Variants in RBL1 observed in about 807,000 individuals in gnomAD.
RBL1 encodes RB transcriptional corepressor like 1, also known as retinoblastoma-like protein 1.
RBL1 carries 82 observed loss-of-function variants against 123.0 expected under a neutral mutation model. The observed-to-expected ratio is 0.67, with a 90% CI of 0.56 to 0.80. The LOEUF (loss-of-function observed/expected upper bound fraction) is 0.80, where lower values mean the gene tolerates loss of function less well. Ranked by LOEUF, RBL1 falls within the 30% of genes least tolerant of loss-of-function variation. RBL1 has a pLI of 0.00. For missense variants in RBL1, 1,171 were observed against 1,299.6 expected (o/e 0.90, Z 1.52); for synonymous variants, 405 against 441.3 (o/e 0.92, Z 1.03).
chr20:37,067,188 A>C, intron 4 of RBL1, 45 bp downstream of exon 4: 1 of 1,576,434 alleles, frequency 6.3e-7, no homozygotes, highest in East Asian at 2.2e-5. Context: ...AATAGCACCA[A>C]GTTCCCAGAG....
chr20:37,061,168 G>A lies in RBL1; in HGVS notation c.1185C>T (p.Ser395=). The change falls in exon 9 of 22, where the codon AGC becomes AGT. Residue 395 remains serine (S), a synonymous_variant. Transcript: ENST00000373664. ...GACCAGCCACAATACTCTGTAACCG[G>A]CTCACACTTTGGGTGGCTGATGCAA... ...TPVASATQSV[S]RLQSIVAGLK... 7 of 1,613,784 alleles carry A rather than the reference G, an allele frequency of 4.3e-6. No individual in the cohort carries two copies. Among genetic ancestry groups the A allele is most frequent in the Non-Finnish European group, 5.9e-6 (7 of 1,179,830 alleles).
chr20:36,998,355 G>A lies in RBL1; in HGVS notation c.*404C>T, dbSNP rs1176132187. The A allele has an allele frequency of 6.5e-6, 1 of 154,172 alleles. No homozygotes were observed. Among genetic ancestry groups the A allele is most frequent in the Non-Finnish European group, 1.4e-5 (1 of 69,522 alleles). The allele number at this position is 154,172 out of a possible 1,614,324, so 9.6% of individuals were successfully genotyped here. ...CAATTCTGCCTCAGCCTCCCAAGTA[G>A]CTGGGATTACAGGCATGCGCCACCA... On this transcript the variant is annotated 3_prime_UTR_variant, in exon 22 of 22. Transcript: ENST00000373664.
intron 2 of RBL1, among the ~76,000 whole-genome samples, chr20:37,080,947 A>T (rs1314977172): frequency 1.3e-5 from 2 of 152,102 alleles, no homozygotes; most frequent in Non-Finnish European, 2.9e-5. Flanking sequence ...CCATCATCAG[A>T]CTGTTCCCAT....
At chr20:37,025,664 T>C (rs959619578) in intron 16 of RBL1, among the ~76,000 whole-genome samples, 1 of 151,980 alleles carries the variant, frequency 6.6e-6, no homozygotes. Context: ...GCAGATATGA[T>C]ATCTGGAAGG....
chr20:36,998,529 A>C lies in RBL1; in HGVS notation c.*230T>G. 1 of 436,888 alleles carries C rather than the reference A, an allele frequency of 2.3e-6. No homozygotes were observed. Among genetic ancestry groups the C allele is most frequent in the Non-Finnish European group, 4.0e-6 (1 of 247,364 alleles). 27.1% of individuals were successfully genotyped at this position (436,888 alleles called of 1,614,324 possible). A position where few individuals can be genotyped will look rare whatever the true frequency, so the allele number is the denominator to read the frequency against. Reference sequence around the variant, plus strand: ...GTGAGCCACAGCGCCTGGCCGGACTATTAGTATTTTTAAAAGGCACTTAAA... The same window carrying C: ...GTGAGCCACAGCGCCTGGCCGGACTCTTAGTATTTTTAAAAGGCACTTAAA... On this transcript the variant is annotated 3_prime_UTR_variant, in exon 22 of 22. Coordinates refer to ENST00000373664, the MANE Select transcript of RBL1 (RefSeq NM_002895.5).
In RBL1 at chr20:37,032,847, G is replaced by C. The variant is rs1189732487; in HGVS notation, c.2200C>G (p.Leu734Val). 1 of 1,613,918 alleles carries C rather than the reference G, an allele frequency of 6.2e-7. No individual in the cohort carries two copies. Among genetic ancestry groups the C allele is most frequent in the African/African-American group, 1.3e-5 (1 of 74,902 alleles). ...TTTGTATTCATGGAAAGAGGTATCA[G>C]TGTGATCTCTCCAGCATCATTTGCG... ...GVANDAGEIT[L>V]IPLSMNTNQE... The change falls in exon 16 of 22, where the codon CTG (leucine) becomes GTG (valine). Residue 734 changes from leucine (L) to valine (V), a missense_variant. By Grantham distance (32) the Leu-to-Val change is conservative. Transcript: ENST00000373664.
intron 19 of RBL1, among the ~76,000 whole-genome samples, chr20:37,014,623 A>AC (rs1402081651): frequency 1.3e-5 from 2 of 151,666 alleles, no homozygotes; most frequent in African/African-American, 4.9e-5. Flanking sequence ...ACATGGTGAA[A>AC]CCCCATCTCT....
chr20:37,006,357 C>T (rs1290066928), intron 20 of RBL1, among the ~76,000 whole-genome samples: 1 of 150,966 alleles, frequency 6.6e-6, no homozygotes, highest in African/African-American at 2.4e-5. Flanking sequence ...CCTGCCACCA[C>T]GCCCAGCTAA....
Position 37,073,229 on chromosome 20 carries a change from C to T in RBL1, c.291-5043G>A, listed in dbSNP as rs112135741. The stretch of plus-strand genomic sequence containing the variant: ...CTACATCATCATATAATCCATTGTA[C>T]ATACTACTCTCCCAAGAATGGCTTT... On this transcript the variant is annotated intron_variant, in intron 2 of 21. Coordinates refer to ENST00000373664, the MANE Select transcript of RBL1 (RefSeq NM_002895.5). Among the ~76,000 whole-genome samples the T allele has an allele frequency of 9.3e-3, 1,413 of 152,238 alleles. 22 individuals are homozygous for T. Among genetic ancestry groups the T allele is most frequent in the African/African-American group, 0.032 (1,347 of 41,524 alleles).
intron 9 of RBL1, among the ~76,000 whole-genome samples, chr20:37,059,093 T>C (rs1041473590): frequency 5.9e-5 from 9 of 152,242 alleles, no homozygotes; most frequent in Admixed American, 4.6e-4. Context: ...CTTTTTCTTA[T>C]TGACATATTT....
intron 16 of RBL1, among the ~76,000 whole-genome samples, chr20:37,025,831 C>T (rs1402117427): frequency 2.6e-5 from 4 of 151,756 alleles, no homozygotes; most frequent in Non-Finnish European, 5.9e-5. Flanking sequence ...CAACCTCCGC[C>T]TCCCAGGTTC....
At chr20:37,023,866 C>T (rs766016687) in intron 16 of RBL1, among the ~76,000 whole-genome samples, 3 of 150,168 alleles carry the variant, frequency 2.0e-5, no homozygotes, top group South Asian at 4.2e-4. Context: ...GCAACCTCCA[C>T]CTCCGGGCTC....
At chr20:37,078,348 G>A (rs2343032) in intron 2 of RBL1, among the ~76,000 whole-genome samples, 6,499 of 152,238 alleles carry the variant, frequency 0.043, 467 homozygotes, top group African/African-American at 0.15. Flanking sequence ...AATATCCATT[G>A]ATGATCTTTG....
intron 19 of RBL1, among the ~76,000 whole-genome samples, chr20:37,013,585 T>TTAA (rs1429835809): frequency 9.9e-6 from 1 of 101,416 alleles, no homozygotes; most frequent in Non-Finnish European, 2.2e-5. Context: ...GAATGATCAA[T>TTAA]AAAAAAAAAA....
intron 1 of RBL1, among the ~76,000 whole-genome samples, chr20:37,093,650 T>C (rs1277460432): frequency 1.3e-5 from 2 of 151,646 alleles, no homozygotes; most frequent in Non-Finnish European, 2.9e-5. Flanking sequence ...TTTCCATTTT[T>C]TTTTTTTTTT....
rs1044809734 is a variant in RBL1 at position 37,022,882 on chromosome 20, T to A, written c.2383-56A>T. The A allele has an allele frequency of 6.5e-6, 9 of 1,379,824 alleles. No individual in the cohort carries two copies. The East Asian group carries it at 1.4e-4, about 21-fold the overall frequency. 85.5% of individuals were successfully genotyped at this position (1,379,824 alleles called of 1,614,324 possible). ...ACACCAAGTAAATCATTTCTCAAAT[T>A]TTTATGTCTTACCAAGACCAAGATT... On this transcript the variant is annotated intron_variant, in intron 16 of 21. Transcript: ENST00000373664.
chr20:36,999,617 G>A (rs970360395), intron 21 of RBL1, among the ~76,000 whole-genome samples: 6 of 150,936 alleles, frequency 4.0e-5, no homozygotes, highest in Admixed American at 6.6e-5. Context: ...TCAGCCTGCC[G>A]AGTGCCTGCG....
chr20:37,069,562 C>T (rs1297480507), intron 2 of RBL1, among the ~76,000 whole-genome samples: 2 of 145,526 alleles, frequency 1.4e-5, no homozygotes, highest in African/African-American at 4.9e-5. Flanking sequence ...CATCTCTGCC[C>T]GGCCGCCCCG....
chr20:37,089,212 C>T lies in RBL1; in HGVS notation c.157-90G>A, dbSNP rs371180310. ...AACAAGAGATGTAGAATTATCTGGT[C>T]TCAATTTTCCTTATGTAGATAAAGG... is the stretch of plus-strand genomic sequence containing the variant. On this transcript the variant is annotated intron_variant, in intron 1 of 21. Coordinates refer to ENST00000373664, the MANE Select transcript of RBL1 (RefSeq NM_002895.5). The T allele has an allele frequency of 2.9e-5, 37 of 1,279,898 alleles. No individual in the cohort carries two copies. In the East Asian group the frequency reaches 3.2e-4, roughly 11 times the overall value. The allele number at this position is 1,279,898 out of a possible 1,614,324, so 79.3% of individuals were successfully genotyped here. A position where few individuals can be genotyped will look rare whatever the true frequency, so the allele number is the denominator to read the frequency against.
Sources: allele counts gnomAD v4.1 joint callset (sites outside exome capture counted in the v4.1 genomes callset), GRCh38; gene constraint gnomAD v4.1.1; transcripts MANE v1.5; gene names NCBI Gene and HGNC (gene_info 2026-07-23, HGNC 2026-07-21).